Variants in ANKS1B observed in about 807,000 individuals in gnomAD.
ANKS1B encodes the protein ankyrin repeat and sterile alpha motif domain-containing protein 1B.
A neutral mutation model predicts 148.3 loss-of-function variants in ANKS1B; 36 were observed. The ratio of observed to expected loss-of-function variants is 0.24; its 90% confidence interval spans 0.19 to 0.32. The LOEUF (loss-of-function observed/expected upper bound fraction) is 0.32. Ranked by LOEUF, ANKS1B falls within the 10% of genes least tolerant of loss-of-function variation. ANKS1B has a pLI of 1.00. For synonymous variants in ANKS1B, 542 were observed against 560.8 expected, an observed-to-expected ratio of 0.97 and a Z score of 0.47; for missense variants, 1,157 against 1,542.6, an observed-to-expected ratio of 0.75 and a Z score of 4.19.
At chr12:99,007,426 G>T (rs2099936757) in intron 17 of ANKS1B, among the ~76,000 whole-genome samples, 1 of 152,116 alleles carries the variant, frequency 6.6e-6, no homozygotes, top group Non-Finnish European at 1.5e-5. Context: ...TGTTTATTGA[G>T]GAATCTGACC....
chr12:99,609,275 C>T (rs1024879219), intron 9 of ANKS1B, among the ~76,000 whole-genome samples: 1 of 151,958 alleles, frequency 6.6e-6, no homozygotes, highest in African/African-American at 2.4e-5. Flanking sequence ...TCAGCCAGGA[C>T]AAACAACAAA....
In ANKS1B at chr12:99,819,492, G is replaced by T. The variant is rs142606665; in HGVS notation, c.215+5817C>A. Among the ~76,000 whole-genome samples, 860 of 151,558 alleles carry T rather than the reference G, an allele frequency of 5.7e-3. 3 individuals are homozygous for T. Among genetic ancestry groups the T allele is most frequent in the Non-Finnish European group, 8.4e-3 (570 of 67,702 alleles). On this transcript the variant is annotated intron_variant, in intron 2 of 26. Transcript: ENST00000683438. ...ATGGATTCTAGATCCAATTTGATAC[G>T]CAATCTGGATTACAGATAATGAGAT...
intron 16 of ANKS1B, among the ~76,000 whole-genome samples, chr12:99,065,116 T>G (rs893437717): frequency 6.6e-6 from 1 of 152,178 alleles, no homozygotes; most frequent in Non-Finnish European, 1.5e-5. Flanking sequence ...GTGAACTATA[T>G]TTAGAAAAAA....
chr12:99,130,970 C>T (rs1243032803), intron 15 of ANKS1B, among the ~76,000 whole-genome samples: 11 of 152,168 alleles, frequency 7.2e-5, no homozygotes, highest in Non-Finnish European at 1.0e-4. Context: ...ATCCCTGATT[C>T]CCACAGAGTT....
intron 12 of ANKS1B, among the ~76,000 whole-genome samples, chr12:99,249,670 G>GT (rs1490431876): frequency 1.9e-4 from 29 of 152,308 alleles, no homozygotes; most frequent in African/African-American, 6.7e-4. Flanking sequence ...TGCAGTTATG[G>GT]CCCCAGTCTG....
At chr12:99,003,729 GT>G (rs1474154826) in intron 17 of ANKS1B, among the ~76,000 whole-genome samples, 3 of 152,108 alleles carry the variant, frequency 2.0e-5, no homozygotes, top group Non-Finnish European at 4.4e-5. Context: ...GAGCCTGATG[GT>G]TAGAGCTGCA....
At chr12:99,526,655 T>C (rs1177598036) in intron 9 of ANKS1B, among the ~76,000 whole-genome samples, 2 of 152,202 alleles carry the variant, frequency 1.3e-5, no homozygotes, top group Non-Finnish European at 2.9e-5. Flanking sequence ...TAAGCCTTGC[T>C]TGGTCAGCCA....
At chr12:99,768,677 T>G (rs2062887647) in intron 8 of ANKS1B, among the ~76,000 whole-genome samples, 1 of 151,714 alleles carries the variant, frequency 6.6e-6, no homozygotes. Flanking sequence ...ATACAAAAAA[T>G]TAGCCAGGTG....
At chr12:99,602,262 T>C (rs936682579) in intron 9 of ANKS1B, among the ~76,000 whole-genome samples, 1 of 152,038 alleles carries the variant, frequency 6.6e-6, no homozygotes, top group African/African-American at 2.4e-5. Context: ...GATTGTCTCA[T>C]AAGCCATCAA....
At chr12:99,475,245 A>G (rs377471189) in intron 10 of ANKS1B, among the ~76,000 whole-genome samples, 219 of 134,018 alleles carry the variant, frequency 1.6e-3, no homozygotes, top group Non-Finnish European at 3.3e-3. Flanking sequence ...ACTCTGTTTC[A>G]AAAAAAAAAG....
intron 10 of ANKS1B, among the ~76,000 whole-genome samples, chr12:99,498,973 T>A (rs2096630203): frequency 6.6e-6 from 1 of 152,158 alleles, no homozygotes. Flanking sequence ...TTGAGAGACT[T>A]GGAAGTAATA....
intron 9 of ANKS1B, among the ~76,000 whole-genome samples, chr12:99,606,910 C>G (rs2097855424): frequency 6.6e-6 from 1 of 152,114 alleles, no homozygotes; most frequent in African/African-American, 2.4e-5. Context: ...ACACTGGACA[C>G]AGATACCCTC....
At chr12:99,202,327 C>T (rs1176065968) in intron 14 of ANKS1B, among the ~76,000 whole-genome samples, 3 of 152,210 alleles carry the variant, frequency 2.0e-5, no homozygotes, top group Admixed American at 6.5e-5. Flanking sequence ...TCTGAAAATG[C>T]TGTAGAGTTC....
At chr12:99,210,794 G>A (rs1274558886) in intron 14 of ANKS1B, among the ~76,000 whole-genome samples, 1 of 152,194 alleles carries the variant, frequency 6.6e-6, no homozygotes, top group Admixed American at 6.5e-5. Context: ...TGGCTAAGGT[G>A]CATACTCCAA....
At chr12:99,010,763 T>TTA (rs1568346190) in intron 17 of ANKS1B, among the ~76,000 whole-genome samples, 1 of 151,022 alleles carries the variant, frequency 6.6e-6, no homozygotes, top group East Asian at 1.9e-4. Context: ...TATTATTATT[T>TTA]TTTTTTGAGA....
At chr12:99,913,908 C>T (rs576163555) in intron 1 of ANKS1B, among the ~76,000 whole-genome samples, 1 of 152,194 alleles carries the variant, frequency 6.6e-6, no homozygotes, top group East Asian at 1.9e-4. Flanking sequence ...AGTTTCTCTG[C>T]TCTTGCTTTA....
chr12:99,488,587 C>T (rs1371370231), intron 10 of ANKS1B, among the ~76,000 whole-genome samples: 1 of 152,086 alleles, frequency 6.6e-6, no homozygotes, highest in Admixed American at 6.5e-5. Flanking sequence ...ATTTAATATG[C>T]CCAGCTGCTC....
At chr12:99,868,662 T>C (rs1370471900) in intron 1 of ANKS1B, among the ~76,000 whole-genome samples, 2 of 152,206 alleles carry the variant, frequency 1.3e-5, no homozygotes, top group East Asian at 3.8e-4. Flanking sequence ...AAAAAGTTTT[T>C]AAATGACACC....
intron 19 of ANKS1B, among the ~76,000 whole-genome samples, chr12:98,812,231 G>T (rs2099102135): frequency 6.6e-6 from 1 of 152,188 alleles, no homozygotes; most frequent in African/African-American, 2.4e-5. Flanking sequence ...TTTTGTGGGG[G>T]TTGGAAGAAG....
Sources: gnomAD v4.1 joint callset for allele counts (sites outside exome capture counted in the v4.1 genomes callset) on GRCh38, gnomAD v4.1.1 for gene constraint, MANE v1.5 for transcripts, NCBI Gene and HGNC (gene_info 2026-07-23, HGNC 2026-07-21) for gene names.